The following IMMP2L variants were observed in gnomAD, a reference collection of about 807,000 sequenced individuals.
The protein encoded by IMMP2L is inner mitochondrial membrane peptidase subunit 2.
In IMMP2L, 18 loss-of-function variants were observed where a neutral mutation model predicts 19.3. That is an observed-to-expected ratio of 0.93 (90% CI 0.64 to 1.38). IMMP2L has a LOEUF of 1.38. IMMP2L is among the 40% of genes most tolerant of loss of function. The pLI is 0.00. For synonymous variants in IMMP2L, 76 were observed against 73.0 expected (o/e 1.04, Z -0.21); for missense variants, 233 against 218.2 (o/e 1.07, Z -0.43).
intron 5 of IMMP2L, among the ~76,000 whole-genome samples, chr7:110,789,863 T>C (rs1800345215): frequency 6.6e-6 from 1 of 151,536 alleles, no homozygotes; most frequent in Non-Finnish European, 1.5e-5. Flanking sequence ...ACCCCAAATA[T>C]TTATGTGGCC....
intron 3 of IMMP2L, among the ~76,000 whole-genome samples, chr7:111,419,130 C>T (rs139237171): frequency 1.3e-5 from 2 of 151,870 alleles, no homozygotes; most frequent in East Asian, 1.9e-4. Context: ...AATTGCCTTA[C>T]TTGCTGCTGC....
chr7:110,754,336 G>A (rs1797913483), intron 5 of IMMP2L, among the ~76,000 whole-genome samples: 1 of 151,976 alleles, frequency 6.6e-6, no homozygotes, highest in Non-Finnish European at 1.5e-5. Context: ...GATGACCGGG[G>A]TTAACTAATG....
intron 5 of IMMP2L, among the ~76,000 whole-genome samples, chr7:110,850,679 A>T (rs1806120717): frequency 6.6e-6 from 1 of 151,962 alleles, no homozygotes; most frequent in Non-Finnish European, 1.5e-5. Context: ...ACAAATTAGG[A>T]AATATAGTAA....
intron 4 of IMMP2L, among the ~76,000 whole-genome samples, chr7:110,926,036 T>C (rs951038387): frequency 1.6e-4 from 25 of 152,048 alleles, no homozygotes; most frequent in Admixed American, 5.3e-4. Flanking sequence ...GAAAAGTCAA[T>C]TAATGCAAGG....
At chr7:111,428,365 G>GGT (rs1836290538) in intron 3 of IMMP2L, among the ~76,000 whole-genome samples, 1 of 151,470 alleles carries the variant, frequency 6.6e-6, no homozygotes, top group Non-Finnish European at 1.5e-5. Context: ...ATTTTTTAAA[G>GGT]TAATAAGGAC....
At chr7:110,978,515 T>TAA (rs1006098107) in intron 3 of IMMP2L, among the ~76,000 whole-genome samples, 1 of 151,090 alleles carries the variant, frequency 6.6e-6, no homozygotes, top group East Asian at 1.9e-4. Flanking sequence ...TGGTTTCACT[T>TAA]AAAAAAAAAT....
At chr7:111,240,470 A>C (rs1814874664) in intron 3 of IMMP2L, among the ~76,000 whole-genome samples, 1 of 151,982 alleles carries the variant, frequency 6.6e-6, no homozygotes, top group Non-Finnish European at 1.5e-5. Flanking sequence ...TATTAGATAC[A>C]TATTCACACC....
At chr7:111,043,132 C>T (rs924409441) in intron 3 of IMMP2L, among the ~76,000 whole-genome samples, 2 of 152,170 alleles carry the variant, frequency 1.3e-5, no homozygotes, top group African/African-American at 4.8e-5. Flanking sequence ...ACAGTAGCTG[C>T]TAATGGCCCA....
chr7:111,455,587 G>A (rs1298850223), intron 3 of IMMP2L, among the ~76,000 whole-genome samples: 1 of 146,484 alleles, frequency 6.8e-6, no homozygotes, highest in Non-Finnish European at 1.5e-5. Context: ...TATGATATAA[G>A]TTTACTATTT....
At chr7:111,448,969 T>C (rs1455101007) in intron 3 of IMMP2L, among the ~76,000 whole-genome samples, 1 of 149,604 alleles carries the variant, frequency 6.7e-6, no homozygotes, top group Non-Finnish European at 1.5e-5. Context: ...AAGAAATGGA[T>C]ACATTCCTCG....
At chr7:110,811,088 C>G (rs894549921) in intron 5 of IMMP2L, among the ~76,000 whole-genome samples, 15 of 151,834 alleles carry the variant, frequency 9.9e-5, no homozygotes, top group Non-Finnish European at 2.2e-4. Context: ...GATACCAGAC[C>G]CTATGTACTT....
chr7:111,356,732 A>C (rs1828739001), intron 3 of IMMP2L, among the ~76,000 whole-genome samples: 1 of 152,190 alleles, frequency 6.6e-6, no homozygotes, highest in Admixed American at 6.6e-5. Flanking sequence ...ATAAGATTTT[A>C]AAAGCATATA....
At chr7:110,687,246 T>C (rs560633464) in intron 5 of IMMP2L, among the ~76,000 whole-genome samples, 5 of 152,156 alleles carry the variant, frequency 3.3e-5, no homozygotes, top group East Asian at 1.9e-4. Flanking sequence ...TCCAGGAACA[T>C]TGTCCGTAAA....
chr7:111,087,098 T>C (rs1249819073), intron 3 of IMMP2L, among the ~76,000 whole-genome samples: 5 of 152,190 alleles, frequency 3.3e-5, no homozygotes, highest in African/African-American at 1.2e-4. Flanking sequence ...TTTGGGACAT[T>C]GGGCAAGTAA....
At chr7:111,419,110 G>T (rs1585026730) in intron 3 of IMMP2L, among the ~76,000 whole-genome samples, 1 of 151,660 alleles carries the variant, frequency 6.6e-6, no homozygotes, top group African/African-American at 2.4e-5. Context: ...TAAATAAATT[G>T]CATTTATATA....
At chr7:111,174,439 A>G (rs1255344249) in intron 3 of IMMP2L, among the ~76,000 whole-genome samples, 1 of 151,668 alleles carries the variant, frequency 6.6e-6, no homozygotes, top group African/African-American at 2.4e-5. Context: ...CTAGAGCCAC[A>G]GTCTATATTT....
intron 4 of IMMP2L, among the ~76,000 whole-genome samples, chr7:110,887,565 G>A (rs1810346095): frequency 6.8e-6 from 1 of 148,096 alleles, no homozygotes; most frequent in Non-Finnish European, 1.5e-5. Context: ...TCATTACAAG[G>A]GGTGTTCAAA....
At chr7:111,278,157 A>G (rs1342341012) in intron 3 of IMMP2L, among the ~76,000 whole-genome samples, 4 of 152,164 alleles carry the variant, frequency 2.6e-5, no homozygotes, top group African/African-American at 9.7e-5. Flanking sequence ...GTACACTGAA[A>G]GCCCAGACTT....
rs112880588 is a variant in IMMP2L at position 110,836,047 on chromosome 7, A to G, written c.408+50546T>C. The stretch of plus-strand genomic sequence containing the variant: ...TTAATGAATGACAGATCCTGTGGTG[A>G]GTTAATAAGATAACAAATCTCAGTC... On this transcript the variant is annotated intron_variant, in intron 5 of 5. Transcript: ENST00000405709. Among the ~76,000 whole-genome samples the G allele has an allele frequency of 3.6e-3, 543 of 152,246 alleles. 4 individuals carry two copies. The highest frequency in any genetic ancestry group is 0.012 in the African/African-American group (516 of 41,554).
Sources: allele counts gnomAD v4.1 joint callset (sites outside exome capture counted in the v4.1 genomes callset), GRCh38; gene constraint gnomAD v4.1.1; transcripts MANE v1.5; gene names NCBI Gene and HGNC (gene_info 2026-07-23, HGNC 2026-07-21).